DLG2: variants seen among roughly 807,000 people sequenced by gnomAD.
The protein encoded by DLG2 is discs large MAGUK scaffold protein 2.
In DLG2, 45 loss-of-function variants were observed where a neutral mutation model predicts 132.5. The observed-to-expected ratio is 0.34, with a 90% confidence interval of 0.27 to 0.44. DLG2 has a LOEUF of 0.44. Among genes scored for constraint, DLG2 ranks in the 20% least tolerant of loss-of-function variants. DLG2 has a pLI of 1.00. For missense variants in DLG2, 1,045 were observed against 1,196.9 expected, an observed-to-expected ratio of 0.87 and a Z score of 1.87; for synonymous variants, 424 against 419.6, an observed-to-expected ratio of 1.01 and a Z score of -0.13.
intron 11 of DLG2, among the ~76,000 whole-genome samples, chr11:84,030,806 A>G (rs959146425): frequency 6.6e-6 from 1 of 152,156 alleles, no homozygotes; most frequent in African/African-American, 2.4e-5. Context: ...TTCTTCTAAC[A>G]ACAGGGAAAA....
At chr11:85,495,900 C>T (rs2093658410) in intron 3 of DLG2, among the ~76,000 whole-genome samples, 1 of 152,172 alleles carries the variant, frequency 6.6e-6, no homozygotes, top group Admixed American at 6.5e-5. Context: ...CAGTGATAGG[C>T]TGCATAAAGA....
At chr11:84,783,083 A>G (rs2072120448) in intron 6 of DLG2, among the ~76,000 whole-genome samples, 1 of 152,126 alleles carries the variant, frequency 6.6e-6, no homozygotes, top group African/African-American at 2.4e-5. Flanking sequence ...AATATCTAAA[A>G]TCTAACAGTC....
chr11:85,140,787 T>C (rs1359322176), intron 5 of DLG2, among the ~76,000 whole-genome samples: 1 of 151,914 alleles, frequency 6.6e-6, no homozygotes, highest in East Asian at 1.9e-4. Flanking sequence ...TCTCCATGAG[T>C]TCAACTGTTT....
chr11:84,801,682 T>C (rs2075398001), intron 6 of DLG2, among the ~76,000 whole-genome samples: 1 of 152,228 alleles, frequency 6.6e-6, no homozygotes, highest in Non-Finnish European at 1.5e-5. Flanking sequence ...GGGTCAATCA[T>C]ATTAATGTCT....
intron 6 of DLG2, among the ~76,000 whole-genome samples, chr11:84,710,823 C>T (rs1418288116): frequency 1.3e-5 from 2 of 151,240 alleles, no homozygotes; most frequent in Non-Finnish European, 3.0e-5. Context: ...TACACACACA[C>T]AAATGGAAGT....
intron 3 of DLG2, among the ~76,000 whole-genome samples, chr11:85,477,137 G>T (rs1416316871): frequency 1.3e-5 from 2 of 152,026 alleles, no homozygotes; most frequent in African/African-American, 2.4e-5. Flanking sequence ...CATGTAGTCG[G>T]CTGTTCACCA....
chr11:85,598,237 T>A, intron 3 of DLG2, among the ~76,000 whole-genome samples: 1 of 152,024 alleles, frequency 6.6e-6, no homozygotes, highest in Non-Finnish European at 1.5e-5. Flanking sequence ...AAGAAGAGAG[T>A]AAAAGTGTAA....
At chr11:85,428,397 T>C (rs960104327) in intron 3 of DLG2, among the ~76,000 whole-genome samples, 1 of 152,182 alleles carries the variant, frequency 6.6e-6, no homozygotes, top group Admixed American at 6.5e-5. Flanking sequence ...CCTCAGCAAA[T>C]GTAAAAGAAC....
At chr11:85,079,012 T>C (rs978568859) in intron 6 of DLG2, among the ~76,000 whole-genome samples, 23 of 129,728 alleles carry the variant, frequency 1.8e-4, no homozygotes, top group African/African-American at 6.3e-4. Flanking sequence ...AGCTTTCTTT[T>C]ATGTGTTTTA....
At chr11:83,549,605 A>G (rs2141975397) in intron 19 of DLG2, among the ~76,000 whole-genome samples, 1 of 152,332 alleles carries the variant, frequency 6.6e-6, no homozygotes, top group South Asian at 2.1e-4. Context: ...CATATGTAGT[A>G]AACTTCTTCA....
chr11:85,396,112 G>T (rs563816347), intron 3 of DLG2, among the ~76,000 whole-genome samples: 5 of 152,278 alleles, frequency 3.3e-5, no homozygotes, highest in Non-Finnish European at 5.9e-5. Context: ...GCCTCCGCTG[G>T]TGATACCCAG....
intron 8 of DLG2, among the ~76,000 whole-genome samples, chr11:84,234,144 C>T (rs145178316): frequency 5.8e-4 from 89 of 152,234 alleles, no homozygotes; most frequent in African/African-American, 1.9e-3. Flanking sequence ...CAGCCCACCC[C>T]GAGGGAAGAA....
chr11:85,122,919 C>T (rs1046344674), intron 5 of DLG2, among the ~76,000 whole-genome samples: 1 of 120,334 alleles, frequency 8.3e-6, no homozygotes, highest in Non-Finnish European at 1.7e-5. Flanking sequence ...TTTATACACA[C>T]ACATGCATGT....
intron 18 of DLG2, chr11:83,721,126 A>G (rs1479365799): frequency 6.6e-6 from 1 of 152,178 alleles, no homozygotes; most frequent in African/African-American, 2.4e-5. Context: ...GCTATTTTGG[A>G]CATCTTATAC....
chr11:85,247,557 T>C (rs954733416), intron 4 of DLG2, among the ~76,000 whole-genome samples: 2 of 152,054 alleles, frequency 1.3e-5, no homozygotes, highest in African/African-American at 4.8e-5. Context: ...TTGTTATTAG[T>C]AATTGAATAA....
chr11:85,101,781 A>G (rs1221437243), intron 6 of DLG2, among the ~76,000 whole-genome samples: 3 of 152,090 alleles, frequency 2.0e-5, no homozygotes, highest in African/African-American at 7.2e-5. Flanking sequence ...AATTACTGCA[A>G]CAAAGGATGA....
At chr11:84,143,208 A>C (rs2094930977) in intron 9 of DLG2, among the ~76,000 whole-genome samples, 1 of 152,130 alleles carries the variant, frequency 6.6e-6, no homozygotes, top group Non-Finnish European at 1.5e-5. Flanking sequence ...GCACATGTGA[A>C]CACATGATGA....
chr11:83,493,464 A>T (rs1468572488), intron 21 of DLG2, among the ~76,000 whole-genome samples: 3 of 151,406 alleles, frequency 2.0e-5, no homozygotes, highest in African/African-American at 7.3e-5. Context: ...TTCCCCATGG[A>T]AATGTAAACT....
chr11:84,292,472 G>A (rs1314635068), intron 7 of DLG2, among the ~76,000 whole-genome samples: 1 of 152,164 alleles, frequency 6.6e-6, no homozygotes, highest in Non-Finnish European at 1.5e-5. Context: ...GCTAGGAGAA[G>A]CTATGCTTCT....
Sources: allele counts gnomAD v4.1 joint callset (sites outside exome capture counted in the v4.1 genomes callset), GRCh38; gene constraint gnomAD v4.1.1; transcripts MANE v1.5; gene names NCBI Gene and HGNC (gene_info 2026-07-23, HGNC 2026-07-21).